The following ATP6V1C1 variants were observed in gnomAD, a reference collection of about 807,000 sequenced individuals.
ATP6V1C1 encodes the protein ATPase H+ transporting V1 subunit C1, also known as V-type proton ATPase subunit C 1.
Under a neutral mutation model 53.9 loss-of-function variants are expected in ATP6V1C1, and 45 were observed. The observed-to-expected ratio is 0.83, with a 90% CI of 0.66 to 1.07. ATP6V1C1 has a LOEUF of 1.07. ATP6V1C1 is among the 50% of genes least tolerant of loss of function. ATP6V1C1 has a pLI of 0.00. For synonymous variants in ATP6V1C1, 153 were observed against 155.2 expected, an observed-to-expected ratio of 0.99 and a Z score of 0.11; for missense variants, 315 against 440.3, an observed-to-expected ratio of 0.72 and a Z score of 2.55.
At chr8:103,025,665 T>TCA (rs1816682536) in intron 1 of ATP6V1C1, among the ~76,000 whole-genome samples, 1 of 152,210 alleles carries the variant, frequency 6.6e-6, no homozygotes, top group Non-Finnish European at 1.5e-5. Context: ...TCACTAAATG[T>TCA]CTTTGGGCAA....
At chr8:103,022,115 G>T (rs1391448171) in intron 1 of ATP6V1C1, among the ~76,000 whole-genome samples, 1 of 152,160 alleles carries the variant, frequency 6.6e-6, no homozygotes, top group Non-Finnish European at 1.5e-5. Context: ...AAGAGAATGC[G>T]AAGTGCTTTG....
At chr8:103,055,374 C>T (rs1273235889) in intron 7 of ATP6V1C1, among the ~76,000 whole-genome samples, 1 of 152,132 alleles carries the variant, frequency 6.6e-6, no homozygotes, top group Non-Finnish European at 1.5e-5. Flanking sequence ...CCAGTGGCCT[C>T]TAGAGAAGGT....
rs140213714 is a variant in ATP6V1C1, at chr8:103,038,307, C to T, written c.-39-2491C>T. The stretch of plus-strand genomic sequence containing the variant: ...ATGTGGTAGTCTGAGGGCAGTGGTC[C>T]AAGACGCAAGGCCTCTTGAGGTCTG... On this transcript the variant is annotated intron_variant, in intron 1 of 12. Transcript: ENST00000518738. Among the ~76,000 whole-genome samples, 124 of 152,218 alleles carry T rather than the reference C, an allele frequency of 8.1e-4. 1 individual carries two copies. Among genetic ancestry groups the T allele is most frequent in the African/African-American group, 2.9e-3 (122 of 41,520 alleles).
chr8:103,042,008 C>A (rs1410786872), intron 2 of ATP6V1C1, among the ~76,000 whole-genome samples: 1 of 152,196 alleles, frequency 6.6e-6, no homozygotes, highest in Non-Finnish European at 1.5e-5. Flanking sequence ...ATTACAGACC[C>A]TCTAGCGCAC....
chr8:103,066,287 T>C, intron 11 of ATP6V1C1, 34 bp from the exon 12 acceptor site: 2 of 1,578,168 alleles, frequency 1.3e-6, no homozygotes, highest in African/African-American at 1.4e-5. Context: ...CATGTTTGCT[T>C]GTATTGCGTA....
At position 103,071,710 on chromosome 8, in the gene ATP6V1C1, T is replaced by G. The variant is rs1444694022; in HGVS notation, c.*2963T>G. ...TACTGCAGCCTCACCCTCGATTTCC[T>G]GGGCTCAAGCAATCCTCCCACCTCA... On this transcript the variant is annotated 3_prime_UTR_variant, in exon 13 of 13. Transcript: ENST00000518738. 6.5e-6 allele frequency: 1 copy of G among 153,648 alleles called. No homozygotes were observed. Among genetic ancestry groups the G allele is most frequent in the Non-Finnish European group, 1.4e-5 (1 of 69,242 alleles). The allele number at this position is 153,648 out of a possible 1,614,324, so 9.5% of individuals were successfully genotyped here. A position where few individuals can be genotyped will look rare whatever the true frequency, so the allele number is the denominator to read the frequency against.
At chr8:103,022,245 T>G (rs1212958379) in intron 1 of ATP6V1C1, among the ~76,000 whole-genome samples, 1 of 152,066 alleles carries the variant, frequency 6.6e-6, no homozygotes, top group East Asian at 1.9e-4. Context: ...ATGGGGATAA[T>G]TTTACAGGCA....
At chr8:103,033,763 A>G (rs1259979665) in intron 1 of ATP6V1C1, among the ~76,000 whole-genome samples, 3 of 152,114 alleles carry the variant, frequency 2.0e-5, no homozygotes, top group Non-Finnish European at 4.4e-5. Context: ...TGTAACTACT[A>G]CCCCTCTAAT....
intron 3 of ATP6V1C1, among the ~76,000 whole-genome samples, chr8:103,048,141 T>C (rs1817137422): frequency 6.6e-6 from 1 of 152,220 alleles, no homozygotes. Context: ...TCTTGTGACT[T>C]TGAATAAGCC....
chr8:103,053,210 T>C (rs563962365), intron 6 of ATP6V1C1, among the ~76,000 whole-genome samples: 2 of 152,164 alleles, frequency 1.3e-5, no homozygotes, highest in African/African-American at 4.8e-5. Flanking sequence ...TATTCTCTTA[T>C]CTGTTTTCAG....
chr8:103,036,240 C>T (rs1816897150), intron 1 of ATP6V1C1, among the ~76,000 whole-genome samples: 1 of 152,172 alleles, frequency 6.6e-6, no homozygotes, highest in Non-Finnish European at 1.5e-5. Flanking sequence ...AACTACTAAC[C>T]TCTCTGTGTA....
At chr8:103,042,271 A>G in intron 2 of ATP6V1C1, 69 bp from the exon 3 acceptor site, 1 of 1,462,618 alleles carries the variant, frequency 6.8e-7, no homozygotes, top group Non-Finnish European at 9.5e-7. Flanking sequence ...CTTTAGGTCA[A>G]GATGAATCAT....
chr8:103,036,760 A>G (rs2515196), intron 1 of ATP6V1C1, among the ~76,000 whole-genome samples: 1 of 152,172 alleles, frequency 6.6e-6, no homozygotes, highest in African/African-American at 2.4e-5. Flanking sequence ...TATGATAGTG[A>G]CATCTACTGT....
chr8:103,023,710 A>G (rs558183716), intron 1 of ATP6V1C1, among the ~76,000 whole-genome samples: 1 of 152,188 alleles, frequency 6.6e-6, no homozygotes, highest in African/African-American at 2.4e-5. Flanking sequence ...TGAAAATGCT[A>G]TTCATTGTAT....
At chr8:103,030,204 GT>G (rs1411520490) in intron 1 of ATP6V1C1, among the ~76,000 whole-genome samples, 1 of 151,404 alleles carries the variant, frequency 6.6e-6, no homozygotes, top group African/African-American at 2.4e-5. Context: ...AGCAATACAT[GT>G]TCATTGTGTT....
intron 10 of ATP6V1C1, 54 bp from the exon 11 acceptor site, chr8:103,064,656 GTCTA>G: frequency 7.2e-7 from 1 of 1,384,876 alleles, no homozygotes; most frequent in South Asian, 1.3e-5. Context: ...AAAATATTTG[GTCTA>G]TCTAATTGCT....
intron 3 of ATP6V1C1, among the ~76,000 whole-genome samples, 181 bp from the exon 4 acceptor site, chr8:103,048,689 A>C (rs1817147738): frequency 6.6e-6 from 1 of 152,240 alleles, no homozygotes; most frequent in Admixed American, 6.5e-5. Context: ...GCATGTAACA[A>C]AGTCTTGGTC....
At chr8:103,049,014 C>T in intron 4 of ATP6V1C1, 59 bp downstream of exon 4, 2 of 1,479,192 alleles carry the variant, frequency 1.4e-6, no homozygotes, top group Admixed American at 1.9e-5. Flanking sequence ...AACTAAGCTA[C>T]AGAAACAAAA....
In ATP6V1C1 at chr8:103,069,247, A is replaced by G. The variant is rs1321466613; in HGVS notation, c.*500A>G. 2.0e-5 allele frequency: 3 copies of G among 152,256 alleles called. No individual in the cohort carries two copies. Among genetic ancestry groups the G allele is most frequent in the Non-Finnish European group, 4.4e-5 (3 of 68,092 alleles). The allele number at this position is 152,256 out of a possible 1,614,324, so 9.4% of individuals were successfully genotyped here. ...ATTTCAATCAATGAGCACTGTCAAC[A>G]CCCACAGGAGAGAATAAAATTACCT... On this transcript the variant is annotated 3_prime_UTR_variant, in exon 13 of 13. Coordinates refer to ENST00000518738, the MANE Select transcript of ATP6V1C1 (RefSeq NM_001695.5).
Sources: gnomAD v4.1 joint callset for allele counts (sites outside exome capture counted in the v4.1 genomes callset) on GRCh38, gnomAD v4.1.1 for gene constraint, MANE v1.5 for transcripts, NCBI Gene and HGNC (gene_info 2026-07-23, HGNC 2026-07-21) for gene names.